Variants in SLC17A4 observed in about 807,000 individuals in gnomAD.
SLC17A4 encodes the protein solute carrier family 17 member 4.
A neutral mutation model predicts 52.5 loss-of-function variants in SLC17A4; 33 were observed. The ratio of observed to expected loss-of-function variants is 0.63; its 90% CI spans 0.48 to 0.84. The LOEUF (loss-of-function observed/expected upper bound fraction) is 0.84, where lower values mean the gene tolerates loss of function less well. Ranked by LOEUF, SLC17A4 falls within the 40% of genes least tolerant of loss-of-function variation. SLC17A4 has a pLI of 0.00. For synonymous variants in SLC17A4, 225 were observed against 216.2 expected, an observed-to-expected ratio of 1.04 and a Z score of -0.36; for missense variants, 585 against 597.1, an observed-to-expected ratio of 0.98 and a Z score of 0.21.
At chr6:25,762,878 A>G (rs1260761495) in intron 2 of SLC17A4, among the ~76,000 whole-genome samples, 2 of 152,194 alleles carry the variant, frequency 1.3e-5, no homozygotes, top group Non-Finnish European at 2.9e-5. Context: ...AGTCTACTAG[A>G]CTATACCATT....
intron 8 of SLC17A4, among the ~76,000 whole-genome samples, chr6:25,774,837 C>A (rs961337351): frequency 1.3e-5 from 2 of 152,200 alleles, no homozygotes; most frequent in Non-Finnish European, 2.9e-5. Flanking sequence ...CATTTTCTCA[C>A]AAAGTCACAT....
chr6:25,773,748 G>C, intron 8 of SLC17A4, 74 bp downstream of exon 8: 3 of 1,508,470 alleles, frequency 2.0e-6, no homozygotes, highest in Non-Finnish European at 2.7e-6. Flanking sequence ...ATAATCCTCT[G>C]TCTGTCCCAT....
At chr6:25,758,700 G>A (rs752222153) in intron 1 of SLC17A4, among the ~76,000 whole-genome samples, 81 of 151,910 alleles carry the variant, frequency 5.3e-4, no homozygotes, top group African/African-American at 7.5e-4. Flanking sequence ...GGTTAGTGTC[G>A]CTGATGGTCT....
At chr6:25,756,698 G>T (rs1761046985) in intron 1 of SLC17A4, among the ~76,000 whole-genome samples, 1 of 152,174 alleles carries the variant, frequency 6.6e-6, no homozygotes, top group African/African-American at 2.4e-5. Context: ...ATAAGTAAAA[G>T]GAGAGGGCAA....
intron 1 of SLC17A4, among the ~76,000 whole-genome samples, chr6:25,760,077 C>A (rs1018727337): frequency 6.6e-6 from 1 of 152,180 alleles, no homozygotes; most frequent in Non-Finnish European, 1.5e-5. Context: ...AACAATAGCT[C>A]ATTTCCCCAC....
At chr6:25,761,525 A>G (rs568600998) in intron 1 of SLC17A4, among the ~76,000 whole-genome samples, 1 of 152,330 alleles carries the variant, frequency 6.6e-6, no homozygotes, top group African/African-American at 2.4e-5. Context: ...ATTTTATGTA[A>G]TATGTATAGG....
At chr6:25,776,035 G>T (rs1440641668) in intron 8 of SLC17A4, among the ~76,000 whole-genome samples, 1 of 152,044 alleles carries the variant, frequency 6.6e-6, no homozygotes, top group African/African-American at 2.4e-5. Flanking sequence ...AGATTATTGA[G>T]TCAAAGGGTA....
At chr6:25,760,198 G>A (rs1431354297) in intron 1 of SLC17A4, among the ~76,000 whole-genome samples, 1 of 152,162 alleles carries the variant, frequency 6.6e-6, no homozygotes, top group Non-Finnish European at 1.5e-5. Flanking sequence ...ATAGCAAAGC[G>A]AAGCACATTT....
At chr6:25,768,895 G>C (rs1762243360) in intron 2 of SLC17A4, 90 bp from the exon 3 acceptor site, 1 of 1,207,426 alleles carries the variant, frequency 8.3e-7, no homozygotes, top group Non-Finnish European at 1.2e-6. Flanking sequence ...CTGCATCTCA[G>C]ACAGATACCA....
intron 2 of SLC17A4, among the ~76,000 whole-genome samples, chr6:25,768,030 T>A (rs754343534): frequency 6.6e-6 from 1 of 152,202 alleles, no homozygotes; most frequent in Non-Finnish European, 1.5e-5. Flanking sequence ...TGGGTAGGTA[T>A]CTCTTCTTGA....
chr6:25,770,858 T>C (rs1582702662), intron 5 of SLC17A4, 68 bp from the exon 6 acceptor site: 2 of 1,227,370 alleles, frequency 1.6e-6, no homozygotes, highest in East Asian at 2.3e-5. Context: ...CAACTCAGCA[T>C]TGTAGAAAGC....
intron 1 of SLC17A4, among the ~76,000 whole-genome samples, chr6:25,759,583 G>T (rs560321812): frequency 6.6e-6 from 1 of 152,284 alleles, no homozygotes; most frequent in Admixed American, 6.5e-5. Flanking sequence ...TTGCTTATAA[G>T]TTTGTTTTGT....
At chr6:25,756,064 G>T (rs1760987700) in intron 1 of SLC17A4, among the ~76,000 whole-genome samples, 1 of 152,076 alleles carries the variant, frequency 6.6e-6, no homozygotes, top group South Asian at 2.1e-4. Context: ...TTCTTGTTCA[G>T]TCTCTTGGTT....
intron 1 of SLC17A4, among the ~76,000 whole-genome samples, chr6:25,757,196 G>C (rs752205241): frequency 1.3e-5 from 2 of 152,124 alleles, no homozygotes; most frequent in Non-Finnish European, 2.9e-5. Flanking sequence ...TTACTTACCA[G>C]CTTTAGTGGT....
chr6:25,780,583 A>G lies in SLC17A4; in HGVS notation c.*1395A>G, dbSNP rs6910549. 130,852 of 152,254 alleles carry G rather than the reference A, an allele frequency of 0.86. 56,790 individuals carry two copies. Among genetic ancestry groups the G allele is most frequent in the East Asian group, 0.98 (5,080 of 5,180 alleles). The allele number at this position is 152,254 out of a possible 1,614,324, so 9.4% of individuals were successfully genotyped here. On this transcript the variant is annotated 3_prime_UTR_variant, in exon 12 of 12. Coordinates refer to ENST00000377905, the MANE Select transcript of SLC17A4 (RefSeq NM_005495.3). ...TAAGGGAAGTATGATTTGTGAGGAG[A>G]CTGTAGAAGAATTAAGGTCAGGAGC...
chr6:25,767,748 ATT>A (rs1445372527), intron 2 of SLC17A4, among the ~76,000 whole-genome samples: 1 of 152,108 alleles, frequency 6.6e-6, no homozygotes, highest in Non-Finnish European at 1.5e-5. Context: ...TGCTTTGTCC[ATT>A]TTTTTGAAAA....
chr6:25,768,818 C>A (rs1429667445), intron 2 of SLC17A4, among the ~76,000 whole-genome samples, 167 bp from the exon 3 acceptor site: 1 of 152,206 alleles, frequency 6.6e-6, no homozygotes, highest in Non-Finnish European at 1.5e-5. Flanking sequence ...CCACCTCCCC[C>A]ATTACCTCCC....
intron 8 of SLC17A4, among the ~76,000 whole-genome samples, chr6:25,775,980 C>A (rs960033434): frequency 4.9e-4 from 75 of 152,104 alleles, no homozygotes; most frequent in African/African-American, 1.8e-3. Flanking sequence ...TTGTTCATTT[C>A]TCATACCTTT....
chr6:25,774,130 G>A (rs1224410054), intron 8 of SLC17A4, among the ~76,000 whole-genome samples: 1 of 152,094 alleles, frequency 6.6e-6, no homozygotes, highest in Non-Finnish European at 1.5e-5. Flanking sequence ...AGGACATAAA[G>A]TCCCAAATAA....
Sources: allele counts gnomAD v4.1 joint callset (sites outside exome capture counted in the v4.1 genomes callset), GRCh38; gene constraint gnomAD v4.1.1; transcripts MANE v1.5; gene names NCBI Gene and HGNC (gene_info 2026-07-23, HGNC 2026-07-21).